RGS3: variants seen among roughly 807,000 people sequenced by gnomAD.
RGS3 encodes the protein regulator of G-protein signalling 3.
RGS3 carries 80 observed loss-of-function variants against 132.6 expected under a neutral mutation model. The ratio of observed to expected loss-of-function variants is 0.60; its 90% CI spans 0.50 to 0.73. RGS3 has a LOEUF of 0.73. Ranked by LOEUF, RGS3 falls within the 30% of genes least tolerant of loss-of-function variation. The probability of loss-of-function intolerance (pLI) is 0.00; values close to 1 mark genes in which losing one functional copy is unlikely to be tolerated. For missense variants in RGS3, 1,382 were observed against 1,530.8 expected (o/e 0.90, Z 1.62); for synonymous variants, 598 against 620.6 (o/e 0.96, Z 0.54).
rs554043433 is a variant in RGS3, at chr9:113,537,182, G to A, written c.2037+264G>A. ...CCATCAGTTCTGCACTCTGTTCTTCGGTTTGCCTATGGCAAGGTTTAATTC... is the reference window on the plus strand; with the variant it reads ...CCATCAGTTCTGCACTCTGTTCTTCAGTTTGCCTATGGCAAGGTTTAATTC... On this transcript the variant is annotated intron_variant, in intron 19 of 24. Transcript: ENST00000350696. This position sits in a 1 kb window ranked among gnomAD's most constrained non-coding sequence, Gnocchi z 4.3. 1.1e-4 allele frequency among the ~76,000 whole-genome samples: 16 copies of A among 152,326 alleles called. No homozygotes were observed. Among genetic ancestry groups the A allele is most frequent in the East Asian group, 5.8e-4 (3 of 5,184 alleles).
Position 113,505,672 on chromosome 9 carries a change from G to A in RGS3, c.979+149G>A, listed in dbSNP as rs1051968013. The A allele has an allele frequency of 2.5e-5, 16 of 627,746 alleles. 1 individual carries two copies. Among genetic ancestry groups the A allele is most frequent in the East Asian group, 1.1e-4 (4 of 35,962 alleles). The allele number at this position is 627,746 out of a possible 1,614,324, so 38.9% of individuals were successfully genotyped here. A position where few individuals can be genotyped will look rare whatever the true frequency, so the allele number is the denominator to read the frequency against. On this transcript the variant is annotated intron_variant, in intron 11 of 24. Coordinates refer to ENST00000350696, the Ensembl canonical transcript of RGS3. ...AAAAGAATAATATTTTTAAGTGACCGTAGATGAAACTGCCATTTATGAAAA... is the reference window on the plus strand; with the variant it reads ...AAAAGAATAATATTTTTAAGTGACCATAGATGAAACTGCCATTTATGAAAA...
At position 113,463,523 on chromosome 9, in the gene RGS3, G is replaced by A. The variant is rs1306283577; in HGVS notation, c.415+1322G>A. The stretch of plus-strand genomic sequence containing the variant: ...TGGGGCCGGGATACCCGGGGTGGCC[G>A]CACCGTCCTGCTGGCTCCTTGGGTG... On this transcript the variant is annotated intron_variant, in intron 3 of 24. Transcript: ENST00000350696. This position sits in a 1 kb window ranked among gnomAD's most constrained non-coding sequence, Gnocchi z 4.6. Among the ~76,000 whole-genome samples, 3 of 152,128 alleles carry A rather than the reference G, an allele frequency of 2.0e-5. No homozygotes were observed. The highest frequency in any genetic ancestry group is 4.4e-5 in the Non-Finnish European group (3 of 68,010).
intron 4 of RGS3, among the ~76,000 whole-genome samples, chr9:113,481,598 C>T (rs1797306809): frequency 6.6e-6 from 1 of 152,232 alleles, no homozygotes; most frequent in Admixed American, 6.5e-5. Context: ...TGGCCTCCAC[C>T]ACTCCATTTG....
rs1171101920 is a variant in RGS3, at chr9:113,479,689, T to C, written c.466+148T>C. On this transcript the variant is annotated intron_variant, in intron 4 of 24. Coordinates refer to ENST00000350696, the Ensembl canonical transcript of RGS3. Reference sequence around the variant, plus strand: ...GGATGTGTCCATTGATAAAAGCCAGTATTCACCTGGGGCTCTTTCTATAGA... The same window carrying C: ...GGATGTGTCCATTGATAAAAGCCAGCATTCACCTGGGGCTCTTTCTATAGA... 1.1e-5 allele frequency: 8 copies of C among 733,788 alleles called. No homozygotes were observed. The Middle Eastern group carries it at 2.4e-3, about 218-fold the overall frequency. The allele number at this position is 733,788 out of a possible 1,614,324, so 45.5% of individuals were successfully genotyped here. A position where few individuals can be genotyped will look rare whatever the true frequency, so the allele number is the denominator to read the frequency against.
At chr9:113,532,266 G>A (rs1832500175) in intron 18 of RGS3, among the ~76,000 whole-genome samples, 2 of 152,304 alleles carry the variant, frequency 1.3e-5, no homozygotes, top group South Asian at 4.1e-4. Flanking sequence ...TGGTTTACCT[G>A]TGAGGGAAGC....
intron 10 of RGS3, among the ~76,000 whole-genome samples, 157 bp downstream of exon 8, chr9:113,498,237 T>A (rs1830749616): frequency 6.6e-6 from 1 of 152,164 alleles, no homozygotes; most frequent in African/African-American, 2.4e-5. Context: ...CTGAGGTGTA[T>A]TACAGGAAAT....
At chr9:113,486,499 C>T (rs892562415) in intron 7 of RGS3, among the ~76,000 whole-genome samples, 2 of 152,300 alleles carry the variant, frequency 1.3e-5, no homozygotes, top group Admixed American at 6.5e-5. Context: ...GCAGTTAGAG[C>T]GGAGCAGGGG....
At chr9:113,594,895 T>C (rs763096618) in intron 22 of RGS3, 24 bp from the exon 21 acceptor site, 12 of 1,612,182 alleles carry the variant, frequency 7.4e-6, no homozygotes, top group Non-Finnish European at 1.0e-5. Flanking sequence ...GTGCCCTCAC[T>C]GTGTTTCCTC....
exon 5 of RGS3, chr9:113,483,074 G>C (rs148356011): frequency 7.4e-6 from 12 of 1,613,920 alleles, no homozygotes; most frequent in East Asian, 2.2e-5. Context: ...GAAGGTAAAG[G>C]CCTGATCAGC....
chr9:113,550,109 A>T (rs963211858), intron 19 of RGS3, among the ~76,000 whole-genome samples: 1 of 152,218 alleles, frequency 6.6e-6, no homozygotes, highest in Non-Finnish European at 1.5e-5. Flanking sequence ...CATGCCTGTA[A>T]TCCCACCACT....
chr9:113,523,122 C>A, intron 17 of RGS3, 81 bp downstream of exon 15: 1 of 913,902 alleles, frequency 1.1e-6, no homozygotes, highest in Non-Finnish European at 1.8e-6. Context: ...TGGGATCTGG[C>A]TGCCAGTCAT....
chr9:113,587,334 G>A (rs1029159889), intron 20 of RGS3, among the ~76,000 whole-genome samples: 4 of 152,292 alleles, frequency 2.6e-5, no homozygotes, highest in East Asian at 1.9e-4. Context: ...ATGCTGATGG[G>A]CCACTATTCC....
At chr9:113,469,712 C>A (rs1436323512) in intron 3 of RGS3, among the ~76,000 whole-genome samples, 1 of 151,904 alleles carries the variant, frequency 6.6e-6, no homozygotes, top group Non-Finnish European at 1.5e-5. Context: ...AAAATATTTT[C>A]TAATTTTCAT....
intron 19 of RGS3, among the ~76,000 whole-genome samples, chr9:113,575,597 G>A (rs894133060): frequency 6.6e-6 from 1 of 152,152 alleles, no homozygotes; most frequent in Non-Finnish European, 1.5e-5. Context: ...ACTGGTCCTG[G>A]GCGAGGTTCT....
chr9:113,483,261 T>C lies in RGS3; in HGVS notation c.525+144T>C. 6.1e-6 allele frequency: 4 copies of C among 657,680 alleles called. No homozygotes were observed. The South Asian group carries it at 7.4e-5, about 12-fold the overall frequency. The allele number at this position is 657,680 out of a possible 1,614,324, so 40.7% of individuals were successfully genotyped here. A position where few individuals can be genotyped will look rare whatever the true frequency, so the allele number is the denominator to read the frequency against. ...CACTCATCTTCTCAATAGGCATTTA[T>C]TGGGCCCAGTGCTGGGACAAACCCA... is the stretch of plus-strand genomic sequence containing the variant. On this transcript the variant is annotated intron_variant, in intron 5 of 24. Coordinates refer to ENST00000350696, the Ensembl canonical transcript of RGS3.
At chr9:113,528,470 T>C (rs1832317490) in intron 17 of RGS3, among the ~76,000 whole-genome samples, 1 of 152,218 alleles carries the variant, frequency 6.6e-6, no homozygotes. Context: ...GGGCCCTCCT[T>C]CAGGAAGCTT....
At chr9:113,524,659 T>G (rs956983885) in intron 17 of RGS3, among the ~76,000 whole-genome samples, 1 of 152,200 alleles carries the variant, frequency 6.6e-6, no homozygotes, top group East Asian at 1.9e-4. Context: ...CAGCTGGCCC[T>G]TTCCCTTTGC....
chr9:113,521,925 G>C (rs146870070), intron 16 of RGS3, among the ~76,000 whole-genome samples: 106 of 152,316 alleles, frequency 7.0e-4, no homozygotes, highest in African/African-American at 2.4e-3. Context: ...TCAGGTGTTT[G>C]ATATCTCAAA....
intron 18 of RGS3, among the ~76,000 whole-genome samples, chr9:113,535,608 G>C (rs1428139835): frequency 6.6e-6 from 1 of 152,216 alleles, no homozygotes; most frequent in African/African-American, 2.4e-5. Context: ...CCATTTCACA[G>C]GCAGCTTGGT....
Sources: gnomAD v4.1 joint callset for allele counts (sites outside exome capture counted in the v4.1 genomes callset) on GRCh38, gnomAD v4.1.1 for gene constraint, Gnocchi (gnomAD v3.1) non-coding constraint, MANE v1.5 for transcripts, NCBI Gene and HGNC (gene_info 2026-07-23, HGNC 2026-07-21) for gene names.